Variants in RYR1 observed in about 807,000 individuals in gnomAD.
The protein encoded by RYR1 is central core disease of muscle.
In RYR1, 342 loss-of-function variants were observed where a neutral mutation model predicts 583.5. That is an observed-to-expected ratio of 0.59 (90% confidence interval 0.54 to 0.64). The LOEUF (loss-of-function observed/expected upper bound fraction) is 0.64, where lower values mean the gene tolerates loss of function less well. Among genes scored for constraint, RYR1 ranks in the 30% least tolerant of loss-of-function variants. The pLI is 0.00. For synonymous variants in RYR1, 2,791 were observed against 2,822.5 expected, an observed-to-expected ratio of 0.99 and a Z score of 0.35; for missense variants, 6,032 against 6,917.2, an observed-to-expected ratio of 0.87 and a Z score of 4.54.
In RYR1 at chr19:38,506,508, C is replaced by T. The variant is rs1159304367; in HGVS notation, c.8654C>T (p.Thr2885Met). Reference protein sequence around the residue: ...AEQLAENYHNTWGRKKKQELE... With the variant: ...AEQLAENYHNMWGRKKKQELE... ...CAACTGGCAGAAAATTACCACAACA[C>T]GTGGGGACGGAAGAAGAAGCAGGAG... Residue 2885 changes from threonine (T) to methionine (M), a missense_variant, in exon 56 of 106, where the codon ACG (threonine) becomes ATG (methionine). This residue lies in a region of RYR1 where 1,493 missense variants were observed against 1,715.5 expected (regional missense o/e 0.87). Coordinates refer to ENST00000359596, the MANE Select transcript of RYR1 (RefSeq NM_000540.3). The T allele has an allele frequency of 2.5e-6, 4 of 1,613,970 alleles. No homozygotes were observed. In the South Asian group the frequency reaches 3.3e-5, roughly 13 times the overall value.
At chr19:38,446,446 G>T in intron 7 of RYR1, 26 bp from the exon 8 acceptor site, 1 of 1,588,218 alleles carries the variant, frequency 6.3e-7, no homozygotes, top group South Asian at 1.1e-5. Flanking sequence ...GCCTCCCATT[G>T]ACCAACTTCC....
chr19:38,455,087 T>A, intron 13 of RYR1, 148 bp from the exon 14 acceptor site: 2 of 902,908 alleles, frequency 2.2e-6, no homozygotes, highest in Non-Finnish European at 3.6e-6. Context: ...TGGGACTGAT[T>A]GGGAATATGA....
intron 79 of RYR1, 59 bp downstream of exon 79, chr19:38,534,878 C>G: frequency 6.5e-7 from 1 of 1,538,006 alleles, no homozygotes; most frequent in Non-Finnish European, 8.8e-7. Context: ...CTCACTCCTC[C>G]TGGCTCGCCC....
intron 5 of RYR1, among the ~76,000 whole-genome samples, 168 bp downstream of exon 5, chr19:38,443,964 G>GT (rs1286420346): frequency 2.0e-5 from 3 of 152,110 alleles, no homozygotes; most frequent in Non-Finnish European, 4.4e-5. Flanking sequence ...ACAGACACAC[G>GT]TTGGGGACCA....
chr19:38,520,475 AC>A (rs1404452763), intron 67 of RYR1, among the ~76,000 whole-genome samples: 4 of 151,082 alleles, frequency 2.6e-5, no homozygotes, highest in Admixed American at 6.6e-5. Flanking sequence ...TGGGCAGATC[AC>A]CTGAGGTCAG....
chr19:38,542,013 G>C (rs1419359708), intron 84 of RYR1, among the ~76,000 whole-genome samples: 1 of 148,788 alleles, frequency 6.7e-6, no homozygotes, highest in Admixed American at 6.7e-5. Context: ...AGGCTGCAGT[G>C]AGCTATGATC....
chr19:38,536,833 C>T (rs1054024832), intron 83 of RYR1, 66 bp downstream of exon 83: 1 of 1,542,318 alleles, frequency 6.5e-7, no homozygotes, highest in South Asian at 1.1e-5. Flanking sequence ...CCGTCCACCC[C>T]TCCACCTAGG....
intron 89 of RYR1, among the ~76,000 whole-genome samples, chr19:38,560,729 CAAAAAA>C (rs765130460): frequency 1.1e-3 from 43 of 38,074 alleles, no homozygotes; most frequent in East Asian, 4.7e-3. Context: ...AACTCCGTCT[CAAAAAA>C]AAAAAAAAAA....
chr19:38,446,206 C>T (rs536687277), intron 7 of RYR1, among the ~76,000 whole-genome samples: 102 of 152,168 alleles, frequency 6.7e-4, no homozygotes, highest in Non-Finnish European at 1.0e-3. Flanking sequence ...CCTTAAATGA[C>T]AGACTCACAA....
At chr19:38,451,705 T>C (rs1967081539) in intron 11 of RYR1, 59 bp from the exon 12 acceptor site, 12 of 1,610,110 alleles carry the variant, frequency 7.5e-6, no homozygotes, top group African/African-American at 2.7e-5. Context: ...GACAGACGTC[T>C]TGGGGGCATG....
Position 38,565,382 on chromosome 19 carries a change from G to A in RYR1, c.13048G>A (p.Ala4350Thr), listed in dbSNP as rs777783994. Residue 4350 changes from alanine to threonine, a missense_variant, in exon 91 of 106, where the codon GCG becomes ACG. Coordinates refer to ENST00000359596, the MANE Select transcript of RYR1 (RefSeq NM_000540.3). The surrounding 1 kb of genome is among the most constrained non-coding windows in gnomAD (Gnocchi z 4.7). ...VTRAGAAGAG[A>T]AAGALGLLWG... is the part of the protein sequence containing the mutation. ...GCGCGCTGGGGCCGCTGGCGCGGGG[G>A]CGGCGGCGGGCGCGCTGGGCCTGCT... The A allele has an allele frequency of 1.5e-6, 2 of 1,349,024 alleles. No homozygotes were observed. Among genetic ancestry groups the A allele is most frequent in the Non-Finnish European group, 1.9e-6 (2 of 1,059,540 alleles). 83.6% of individuals were successfully genotyped at this position (1,349,024 alleles called of 1,614,324 possible). A position where few individuals can be genotyped will look rare whatever the true frequency, so the allele number is the denominator to read the frequency against.
Position 38,578,056 on chromosome 19 carries a change from C to G in RYR1, c.14303+8C>G. On this transcript the variant is annotated splice_region_variant and intron_variant, in intron 98 of 105. Transcript: ENST00000359596. ...GCCAGGGCTGCTGACCTGGTGAGCC[C>G]AGGACACCCCTGCACAGGCCTGGGG... 1 of 1,614,018 alleles carries G rather than the reference C, an allele frequency of 6.2e-7. No individual in the cohort carries two copies. The highest frequency in any genetic ancestry group is 1.3e-5 in the African/African-American group (1 of 75,032).
At position 38,496,860 on chromosome 19, in the gene RYR1, G is replaced by C. The variant is rs753896993; in HGVS notation, c.6797G>C (p.Gly2266Ala). 6.2e-7 allele frequency: 1 copy of C among 1,613,178 alleles called. No homozygotes were observed. The highest frequency in any genetic ancestry group is 1.1e-5 in the South Asian group (1 of 91,036). ...TTCTCCCCACCTCTCGCCCCTGCAGGCATGCAGGGCTCCACGCCCCTGGAC... is the reference window on the plus strand; with the variant it reads ...TTCTCCCCACCTCTCGCCCCTGCAGCCATGCAGGGCTCCACGCCCCTGGAC... ...YLLENSGIGL[G>A]MQGSTPLDVA... Residue 2266 changes from glycine (G) to alanine (A), a missense_variant and splice_region_variant, in exon 42 of 106, where the codon GGC becomes GCC. This residue lies in a region of RYR1 where 2,627 missense variants were observed against 2,961.3 expected (regional missense o/e 0.89). Transcript: ENST00000359596. The surrounding 1 kb of genome is among the most constrained non-coding windows in gnomAD (Gnocchi z 4.8).
intron 67 of RYR1, among the ~76,000 whole-genome samples, chr19:38,520,159 T>C (rs1971161204): frequency 6.7e-6 from 1 of 149,182 alleles, no homozygotes; most frequent in Admixed American, 6.8e-5. Flanking sequence ...TGCTGCAGCC[T>C]CGGTTCCTGG....
At chr19:38,523,809 G>A (rs1182307934) in intron 69 of RYR1, 106 bp from the exon 70 acceptor site, 24 of 1,439,618 alleles carry the variant, frequency 1.7e-5, no homozygotes, top group African/African-American at 2.8e-5. Flanking sequence ...AATACATGGC[G>A]GGTGGGGCAG....
intron 89 of RYR1, among the ~76,000 whole-genome samples, chr19:38,552,340 C>T (rs1308645843): frequency 1.3e-5 from 2 of 151,730 alleles, no homozygotes; most frequent in African/African-American, 4.8e-5. Context: ...CTGCAAACTC[C>T]GCTTCCTGGG....
At chr19:38,586,317 G>A in intron 104 of RYR1, 126 bp downstream of exon 104, 2 of 1,131,422 alleles carry the variant, frequency 1.8e-6, no homozygotes, top group Non-Finnish European at 2.6e-6. Context: ...TTCCCTGCCA[G>A]CCAATCAGAA....
intron 101 of RYR1, among the ~76,000 whole-genome samples, chr19:38,583,428 A>G (rs1035145144): frequency 1.3e-5 from 2 of 151,634 alleles, no homozygotes; most frequent in East Asian, 1.9e-4. Flanking sequence ...CAGTGAGCCA[A>G]TATTGCACCA....
chr19:38,581,945 A>T (rs116815462), intron 101 of RYR1, among the ~76,000 whole-genome samples: 1,662 of 152,240 alleles, frequency 0.011, 31 homozygotes, highest in African/African-American at 0.038. Context: ...TTGGAAAGGT[A>T]CTCAGGGAGC....
Sources: allele counts gnomAD v4.1 joint callset (sites outside exome capture counted in the v4.1 genomes callset), GRCh38; gene constraint gnomAD v4.1.1; regional missense constraint gnomAD v4.1.1; non-coding constraint Gnocchi (gnomAD v3.1); transcripts MANE v1.5; gene names NCBI Gene and HGNC (gene_info 2026-07-23, HGNC 2026-07-21).